CFAP100: variants seen among roughly 807,000 people sequenced by gnomAD.
CFAP100 encodes cilia and flagella associated protein 100.
Under a neutral mutation model 81.5 loss-of-function variants are expected in CFAP100, and 70 were observed. The ratio of observed to expected loss-of-function variants is 0.86; its 90% CI spans 0.71 to 1.05. The LOEUF is 1.05. Among genes scored for constraint, CFAP100 ranks in the 50% least tolerant of loss-of-function variants. The pLI is 0.00. For synonymous variants in CFAP100, 341 were observed against 314.8 expected (o/e 1.08, Z -0.88); for missense variants, 811 against 776.5 (o/e 1.04, Z -0.53).
chr3:126,435,507 CACA>C (rs1933409812), intron 15 of CFAP100, 49 bp from the exon 16 acceptor site: 8 of 1,519,064 alleles, frequency 5.3e-6, no homozygotes, highest in Middle Eastern at 1.7e-4. Context: ...GTGGAGATTA[CACA>C]ACACCTTCCA....
intron 3 of CFAP100, among the ~76,000 whole-genome samples, chr3:126,409,710 G>A (rs1022943014): frequency 1.3e-5 from 2 of 152,134 alleles, no homozygotes; most frequent in Non-Finnish European, 2.9e-5. Flanking sequence ...ATAGTTCTGG[G>A]CCATTTGATG....
intron 2 of CFAP100, among the ~76,000 whole-genome samples, chr3:126,404,603 G>A (rs1030383888): frequency 6.6e-6 from 1 of 152,196 alleles, no homozygotes; most frequent in Admixed American, 6.5e-5. Flanking sequence ...GCAGTTAATC[G>A]GTAACAAAGT....
At chr3:126,412,996 C>T (rs187490477) in intron 3 of CFAP100, among the ~76,000 whole-genome samples, 34 of 152,340 alleles carry the variant, frequency 2.2e-4, no homozygotes, top group African/African-American at 7.2e-4. Flanking sequence ...TGGGATGGGC[C>T]GCCCATGCGT....
chr3:126,395,018 GTC>G (rs1027904892), intron 1 of CFAP100, 40 bp downstream of exon 1: 1 of 152,706 alleles, frequency 6.5e-6, no homozygotes, highest in African/African-American at 2.4e-5. Context: ...GGCGCGCGGG[GTC>G]CGTGAGGGCG....
At chr3:126,402,395 A>G (rs2082999439) in intron 2 of CFAP100, among the ~76,000 whole-genome samples, 1 of 152,172 alleles carries the variant, frequency 6.6e-6, no homozygotes, top group South Asian at 2.1e-4. Flanking sequence ...GTCAGCCAGA[A>G]AGCCCGAGGG....
At chr3:126,416,220 C>A in intron 4 of CFAP100, 96 bp from the exon 5 acceptor site, 1 of 1,116,304 alleles carries the variant, frequency 9.0e-7, no homozygotes, top group Non-Finnish European at 1.3e-6. Context: ...CGTCCTCGCG[C>A]GCAAACCCGC....
chr3:126,419,235 T>G, intron 8 of CFAP100, 79 bp downstream of exon 8: 1 of 924,462 alleles, frequency 1.1e-6, no homozygotes, highest in South Asian at 1.7e-5. Context: ...AAGGGAAGCC[T>G]AGCACCATGT....
intron 7 of CFAP100, 71 bp from the exon 8 acceptor site, chr3:126,419,005 C>A (rs1159914633): frequency 1.9e-6 from 2 of 1,044,128 alleles, no homozygotes; most frequent in Non-Finnish European, 2.8e-6. Flanking sequence ...GGGTGGTGTG[C>A]TCACCCCTCT....
chr3:126,402,008 ATC>A (rs1461801542), intron 2 of CFAP100, among the ~76,000 whole-genome samples: 1 of 152,142 alleles, frequency 6.6e-6, no homozygotes, highest in African/African-American at 2.4e-5. Flanking sequence ...CTACTGGAAT[ATC>A]TCTCACTTCT....
chr3:126,435,080 C>G (rs1020118392), intron 15 of CFAP100, among the ~76,000 whole-genome samples: 4 of 152,290 alleles, frequency 2.6e-5, no homozygotes, highest in African/African-American at 9.6e-5. Flanking sequence ...CCCCCAAGCA[C>G]AGGGGCTTCT....
chr3:126,421,292 C>T (rs768886237), intron 11 of CFAP100, among the ~76,000 whole-genome samples: 3 of 152,248 alleles, frequency 2.0e-5, no homozygotes, highest in African/African-American at 7.2e-5. Context: ...GCATGAGCCA[C>T]TACACCTGGC....
At chr3:126,404,485 G>A (rs1053139849) in intron 2 of CFAP100, among the ~76,000 whole-genome samples, 5 of 152,110 alleles carry the variant, frequency 3.3e-5, no homozygotes, top group African/African-American at 1.2e-4. Context: ...CTCGCTAAGG[G>A]GTCCTTTTCT....
chr3:126,396,989 C>T (rs894458820), intron 2 of CFAP100, among the ~76,000 whole-genome samples: 2 of 152,232 alleles, frequency 1.3e-5, no homozygotes, highest in Non-Finnish European at 2.9e-5. Flanking sequence ...GTGCCCCTTC[C>T]TTAGAGATGG....
chr3:126,396,148 AG>A (rs2107577693), intron 2 of CFAP100, 99 bp downstream of exon 2: 1 of 906,066 alleles, frequency 1.1e-6, no homozygotes, highest in African/African-American at 1.6e-5. Flanking sequence ...ACCAAACACT[AG>A]GCAGGAGTCA....
intron 7 of CFAP100, 146 bp downstream of exon 7, chr3:126,418,920 G>A (rs2083285545): frequency 9.2e-7 from 1 of 1,089,090 alleles, no homozygotes; most frequent in Admixed American, 2.8e-5. Context: ...CAAGGGCAGG[G>A]GACACTACGG....
intron 2 of CFAP100, among the ~76,000 whole-genome samples, chr3:126,403,203 C>T (rs989854114): frequency 7.2e-5 from 11 of 151,936 alleles, no homozygotes; most frequent in South Asian, 4.2e-4. Flanking sequence ...GGAGAGTAGG[C>T]GGAAACGTGA....
chr3:126,423,445 C>T (rs1229249334), intron 12 of CFAP100, 48 bp from the exon 13 acceptor site: 1 of 1,611,330 alleles, frequency 6.2e-7, no homozygotes, highest in Non-Finnish European at 8.5e-7. Flanking sequence ...ACCCCTGCCC[C>T]TCTGGCTCTG....
chr3:126,418,369 C>A, intron 5 of CFAP100, 89 bp from the exon 6 acceptor site: 1 of 1,189,780 alleles, frequency 8.4e-7, no homozygotes, highest in Non-Finnish European at 1.2e-6. Context: ...CAGTGGCCAG[C>A]AGCCGGTGGA....
intron 13 of CFAP100, among the ~76,000 whole-genome samples, chr3:126,432,402 A>G (rs1215454711): frequency 2.0e-5 from 3 of 152,180 alleles, no homozygotes; most frequent in African/African-American, 7.2e-5. Context: ...GAATGTTCAT[A>G]GCAGCAATAT....
Sources: allele counts gnomAD v4.1 joint callset (sites outside exome capture counted in the v4.1 genomes callset), GRCh38; gene constraint gnomAD v4.1.1; transcripts MANE v1.5; gene names NCBI Gene and HGNC (gene_info 2026-07-23, HGNC 2026-07-21).